PFKFB2: variants seen among roughly 807,000 people sequenced by gnomAD.
PFKFB2 encodes the protein 6-phosphofructo-2-kinase/fructose-2,6-bisphosphatase 2.
A neutral mutation model predicts 68.0 loss-of-function variants in PFKFB2; 53 were observed. The observed-to-expected ratio is 0.78, with a 90% CI of 0.63 to 0.98. The LOEUF is 0.98. Ranked by LOEUF, PFKFB2 falls within the 50% of genes least tolerant of loss-of-function variation. The probability of loss-of-function intolerance (pLI) is 0.00; values close to 1 mark genes in which losing one functional copy is unlikely to be tolerated. For missense variants in PFKFB2, 451 were observed against 642.0 expected (o/e 0.70, Z 3.22); for synonymous variants, 222 against 227.6 (o/e 0.98, Z 0.22).
chr1:207,068,113 T>G (rs1683352127), intron 9 of PFKFB2, 50 bp from the exon 10 acceptor site: 1 of 1,491,108 alleles, frequency 6.7e-7, no homozygotes, highest in East Asian at 2.3e-5. Context: ...TGTGTGTGTG[T>G]GTGTCTGTGT....
At chr1:207,052,707 G>A (rs1304525150), upstream of PFKFB2, among the ~76,000 whole-genome samples, 1 of 150,202 alleles carries the variant, frequency 6.7e-6, no homozygotes, top group Non-Finnish European at 1.5e-5. Context: ...GGGGTGTATG[G>A]GTGGGTCCAG....
Position 207,068,181 on chromosome 1 carries a change from A to T in PFKFB2, c.859A>T (p.Lys287Ter). 6.2e-7 allele frequency: 1 copy of T among 1,609,618 alleles called. No homozygotes were observed. Among genetic ancestry groups the T allele is most frequent in the East Asian group, 2.2e-5 (1 of 44,850 alleles). ...ACCCCAGTTTGCCCAAGCTCTAAGGAAATTTCTGGAGGAACAGGAAATAAC... is the reference window on the plus strand; with the variant it reads ...ACCCCAGTTTGCCCAAGCTCTAAGGTAATTTCTGGAGGAACAGGAAATAAC... ...RGKQFAQALR[K>*]FLEEQEITDL... The change falls in exon 10 of 15, where the codon AAA (lysine) becomes TAA (stop). Residue 287 changes from lysine (K) to a stop codon, truncating the protein, a stop_gained. Transcript: ENST00000367080. LOFTEE classifies it high-confidence loss of function.
intron 14 of PFKFB2, 112 bp downstream of exon 14, chr1:207,071,685 G>T: frequency 1.3e-6 from 1 of 764,052 alleles, no homozygotes; most frequent in Non-Finnish European, 2.2e-6. Context: ...AACAGATTCA[G>T]AACTTACGTC....
At chr1:207,049,675 G>C (rs1386289716), upstream of PFKFB2, 1 of 1,614,046 alleles carries the variant, frequency 6.2e-7, no homozygotes, top group African/African-American at 1.3e-5. Flanking sequence ...AGTAAATGCA[G>C]GTGAACTTCT....
At chr1:207,047,238 T>C (rs998983484) in intron 2 of PFKFB2, 6 of 152,556 alleles carry the variant, frequency 3.9e-5, no homozygotes, top group African/African-American at 1.4e-4. Flanking sequence ...TAAACACTTT[T>C]AAGTTATGCT....
chr1:207,057,302 C>CAAAAAAAAAA (rs748726221), intron 2 of PFKFB2, among the ~76,000 whole-genome samples: 1 of 40,398 alleles, frequency 2.5e-5, no homozygotes, highest in Non-Finnish European at 5.0e-5. Context: ...AAAAAAACTA[C>CAAAAAAAAAA]AAAAAAAAAA....
upstream of PFKFB2, chr1:207,050,938 A>G (rs755597834): frequency 6.3e-7 from 1 of 1,582,744 alleles, no homozygotes; most frequent in South Asian, 1.1e-5. Context: ...CCGCGGGGCC[A>G]GCTTTGGTCC....
In PFKFB2 at chr1:207,069,546, T is replaced by A. The variant is rs1683404803; in HGVS notation, c.1092+18T>A. 1 of 1,491,002 alleles carries A rather than the reference T, an allele frequency of 6.7e-7. No individual in the cohort carries two copies. The allele number at this position is 1,491,002 out of a possible 1,614,324, so 92.4% of individuals were successfully genotyped here. ...GTGGGGAGGTAAGACGCCCCTGTCA[T>A]GTAAAGTGACTGCCTAGACCCTTGC... On this transcript the variant is annotated intron_variant, in intron 11 of 14. Transcript: ENST00000367080.
Position 207,042,549 on chromosome 1 carries a change from C to CAAAAAAAAAAAAAAAAA in PFKFB2, c.-18+353_-18+369dup, listed in dbSNP as rs57077682. ...GGCGACACAGCAACACTCTGTCTCA[C>CAAAAAAAAAAAAAAAAA]AAAAAAAAAAAAAAAAAAAAAAAAA... On this transcript the variant is annotated intron_variant, in intron 2 of 5. Coordinates refer to the PFKFB2 transcript ENST00000545806. Among the ~76,000 whole-genome samples, 29 of 44,716 alleles carry CAAAAAAAAAAAAAAAAA rather than the reference C, an allele frequency of 6.5e-4. 2 individuals are homozygous for CAAAAAAAAAAAAAAAAA. Among genetic ancestry groups the CAAAAAAAAAAAAAAAAA allele is most frequent in the Non-Finnish European group, 9.7e-4 (23 of 23,622 alleles). The allele number at this position is 44,716 out of a possible 152,430, so 29.3% of individuals were successfully genotyped here. A position where few individuals can be genotyped will look rare whatever the true frequency, so the allele number is the denominator to read the frequency against.
intron 1 of PFKFB2, among the ~76,000 whole-genome samples, chr1:207,035,788 G>A (rs768305020): frequency 4.6e-5 from 7 of 152,174 alleles, no homozygotes; most frequent in Non-Finnish European, 7.4e-5. Flanking sequence ...GCTTACAATC[G>A]TAACAGCAGG....
chr1:207,065,389 C>CTCAAA, intron 8 of PFKFB2: 1 of 856,832 alleles, frequency 1.2e-6, no homozygotes, highest in Non-Finnish European at 1.4e-6. Flanking sequence ...CTCACTCTGT[C>CTCAAA]ACCCAGGCTG....
At chr1:207,078,887 T>C, downstream of PFKFB2, 1 of 1,344,590 alleles carries the variant, frequency 7.4e-7, no homozygotes, top group Non-Finnish European at 1.1e-6. Flanking sequence ...AGGATTCTGT[T>C]CTACTTTTAT....
At chr1:207,059,328 G>A (rs769465133) in intron 2 of PFKFB2, among the ~76,000 whole-genome samples, 1 of 152,152 alleles carries the variant, frequency 6.6e-6, no homozygotes, top group Non-Finnish European at 1.5e-5. Flanking sequence ...TGGAAGGTGC[G>A]GACAAAGCAG....
At chr1:207,061,932 T>A in intron 2 of PFKFB2, 21 bp from the exon 3 acceptor site, 1 of 1,610,290 alleles carries the variant, frequency 6.2e-7, no homozygotes, top group Non-Finnish European at 8.5e-7. Context: ...TTTCGTTTTA[T>A]TTTGTTTCAT....
intron 2 of PFKFB2, among the ~76,000 whole-genome samples, chr1:207,057,169 C>G (rs1572717703): frequency 6.6e-6 from 1 of 151,754 alleles, no homozygotes; most frequent in East Asian, 1.9e-4. Flanking sequence ...AATGGAGGGC[C>G]GGGTGTGGTG....
upstream of PFKFB2, chr1:207,051,043 C>A (rs1038745559): frequency 4.0e-6 from 6 of 1,491,158 alleles, no homozygotes; most frequent in Non-Finnish European, 5.3e-6. Context: ...CGAGAAGTTG[C>A]GGGTGGTTGC....
At chr1:207,047,601 A>G (rs771300826) in intron 2 of PFKFB2, 1 of 152,672 alleles carries the variant, frequency 6.5e-6, no homozygotes, top group Non-Finnish European at 1.5e-5. Context: ...ATTATAATTT[A>G]GCATCCCTGA....
upstream of PFKFB2, chr1:207,050,553 T>A: frequency 3.5e-6 from 4 of 1,151,036 alleles, no homozygotes; most frequent in Non-Finnish European, 4.8e-6. Context: ...CTCTGTTCTT[T>A]GATCTATCCT....
At chr1:207,052,376 G>T, upstream of PFKFB2, 3 of 670,832 alleles carry the variant, frequency 4.5e-6, no homozygotes, top group South Asian at 3.6e-5. Context: ...AAGTCCACCG[G>T]GGTGGCCGGG....
Sources: gnomAD v4.1 joint callset for allele counts (sites outside exome capture counted in the v4.1 genomes callset) on GRCh38, gnomAD v4.1.1 for gene constraint, MANE v1.5 for transcripts, NCBI Gene and HGNC (gene_info 2026-07-23, HGNC 2026-07-21) for gene names.